Variants in PCDHGB1 observed in about 807,000 individuals in gnomAD.
The protein encoded by PCDHGB1 is protocadherin gamma subfamily B, 1, also known as protocadherin gamma-B1.
In PCDHGB1, 34 loss-of-function variants were observed where a neutral mutation model predicts 56.6. The observed-to-expected ratio is 0.60, with a 90% CI of 0.46 to 0.80. The LOEUF (loss-of-function observed/expected upper bound fraction) is 0.80. PCDHGB1 is among the 30% of genes least tolerant of loss of function. The pLI, the probability that PCDHGB1 is intolerant of heterozygous loss-of-function variation, is 0.00. For missense variants in PCDHGB1, 1,278 were observed against 1,204.6 expected (o/e 1.06, Z -0.90); for synonymous variants, 561 against 505.9 (o/e 1.11, Z -1.46).
intron 1 of PCDHGB1, chr5:141,479,290 T>C (rs1045200175): frequency 1.3e-5 from 2 of 152,438 alleles, no homozygotes; most frequent in Non-Finnish European, 2.9e-5. Flanking sequence ...AAAATAAATC[T>C]AGGCAACCCA....
intron 1 of PCDHGB1, among the ~76,000 whole-genome samples, chr5:141,436,832 C>T (rs1242760381): frequency 6.6e-6 from 1 of 152,172 alleles, no homozygotes; most frequent in African/African-American, 2.4e-5. Flanking sequence ...ATCTTAAGTG[C>T]CTAGGCACAT....
At chr5:141,498,318 G>T (rs927950671) in intron 2 of PCDHGB1, among the ~76,000 whole-genome samples, 2 of 151,792 alleles carry the variant, frequency 1.3e-5, no homozygotes, top group African/African-American at 4.8e-5. Flanking sequence ...TGCCTACACA[G>T]AAGGAAGAGC....
chr5:141,388,809 G>A lies in PCDHGB1; in HGVS notation c.2409+36140G>A, dbSNP rs771582173. The A allele has an allele frequency of 1.2e-6, 2 of 1,613,930 alleles. No individual in the cohort carries two copies. Among genetic ancestry groups the A allele is most frequent in the Non-Finnish European group, 1.7e-6 (2 of 1,179,838 alleles). ...TGTTTTAAATACATTAGATTTTGAA[G>A]AAGTCAAAGAATATTCCATAGTTTT... is the stretch of plus-strand genomic sequence containing the variant. On this transcript the variant is annotated intron_variant, in intron 1 of 3. Transcript: ENST00000523390.
chr5:141,476,929 G>T lies in PCDHGB1; in HGVS notation c.2410-17878G>T, dbSNP rs1375082202. 6.2e-7 allele frequency: 1 copy of T among 1,614,136 alleles called. No homozygotes were observed. Among genetic ancestry groups the T allele is most frequent in the Admixed American group, 1.7e-5 (1 of 60,034 alleles). On this transcript the variant is annotated intron_variant, in intron 1 of 3. Transcript: ENST00000523390. This position sits in a 1 kb window ranked among gnomAD's most constrained non-coding sequence, Gnocchi z 7.6. ...TGGTACAAGTCCTTGCAACGGATCT[G>T]GATGAAGGCCCCAACGGTGAAATTA...
intron 1 of PCDHGB1, chr5:141,372,458 A>G (rs778949462): frequency 3.7e-6 from 6 of 1,614,044 alleles, no homozygotes; most frequent in South Asian, 2.2e-5. Context: ...AGGCGGAGCT[A>G]CAGTTTCACC....
chr5:141,427,907 C>T, intron 1 of PCDHGB1: 1 of 1,575,688 alleles, frequency 6.3e-7, no homozygotes, highest in Non-Finnish European at 8.7e-7. Flanking sequence ...CCGCGCTCAG[C>T]GCCAACATGA....
chr5:141,419,945 T>TTGGCCTTGATTTCTG (rs1205104698), intron 1 of PCDHGB1: 6 of 1,613,970 alleles, frequency 3.7e-6, no homozygotes, highest in Non-Finnish European at 4.2e-6. Flanking sequence ...GGTGGTGGCC[T>TTGGCCTTGATTTCTG]TGGCCTTGAT....
chr5:141,404,501 C>T, intron 1 of PCDHGB1: 2 of 1,613,792 alleles, frequency 1.2e-6, no homozygotes, highest in Non-Finnish European at 1.7e-6. Context: ...GCTGTATGCT[C>T]TGTGCTCCTT....
Position 141,504,006 on chromosome 5 carries a change from G to C in PCDHGB1, c.2469-1387G>C, listed in dbSNP as rs138738950. Among the ~76,000 whole-genome samples, 1,431 of 152,182 alleles carry C rather than the reference G, an allele frequency of 9.4e-3. 31 individuals are homozygous for C. The highest frequency in any genetic ancestry group is 0.033 in the African/African-American group (1,367 of 41,490). On this transcript the variant is annotated intron_variant, in intron 2 of 3. Coordinates refer to ENST00000523390, the MANE Select transcript of PCDHGB1 (RefSeq NM_018922.3). The stretch of plus-strand genomic sequence containing the variant: ...CTTCTTACCTTACAGTCACTTAACT[G>C]TCTCTGCTGGTCTCTTCCCACTCAT...
intron 1 of PCDHGB1, chr5:141,415,947 C>G: frequency 1.9e-6 from 1 of 532,382 alleles, no homozygotes; most frequent in Non-Finnish European, 2.8e-6. Flanking sequence ...CCTGGGTGGT[C>G]ACATATTGAA....
At chr5:141,501,366 T>G (rs1297210978) in intron 2 of PCDHGB1, among the ~76,000 whole-genome samples, 1 of 150,672 alleles carries the variant, frequency 6.6e-6, no homozygotes, top group Non-Finnish European at 1.5e-5. Flanking sequence ...ACCATATTCA[T>G]CATCTCTTAA....
Position 141,491,589 on chromosome 5 carries a change from C to T in PCDHGB1, c.2410-3218C>T. 6.2e-7 allele frequency: 1 copy of T among 1,613,926 alleles called. No homozygotes were observed. The highest frequency in any genetic ancestry group is 8.5e-7 in the Non-Finnish European group (1 of 1,180,024). ...GGACGTGCTTTTCACCGGCCTCGGA[C>T]GGCAGTGACTTCACTTTTCTAAGAC... On this transcript the variant is annotated intron_variant, in intron 1 of 3. Transcript: ENST00000523390. This position sits in a 1 kb window ranked among gnomAD's most constrained non-coding sequence, Gnocchi z 6.9.
intron 1 of PCDHGB1, chr5:141,361,050 T>C (rs370096238): frequency 1.7e-5 from 28 of 1,613,586 alleles, no homozygotes; most frequent in African/African-American, 2.7e-5. Context: ...CGACAAAGGA[T>C]GATTTGGATT....
At chr5:141,427,897 C>T (rs866283444) in intron 1 of PCDHGB1, 1 of 1,571,008 alleles carries the variant, frequency 6.4e-7, no homozygotes. Context: ...CAGGGCTCGC[C>T]CGCGCTCAGC....
chr5:141,410,054 A>C, intron 1 of PCDHGB1: 1 of 1,613,064 alleles, frequency 6.2e-7, no homozygotes. Context: ...CGGACTCTTC[A>C]GCCTGGGGCT....
chr5:141,491,837 G>A lies in PCDHGB1; in HGVS notation c.2410-2970G>A, dbSNP rs1404051857. The A allele has an allele frequency of 1.4e-6, 2 of 1,472,862 alleles. No individual in the cohort carries two copies. The highest frequency in any genetic ancestry group is 1.8e-6 in the Non-Finnish European group (2 of 1,111,878). The allele number at this position is 1,472,862 out of a possible 1,614,324, so 91.2% of individuals were successfully genotyped here. A position where few individuals can be genotyped will look rare whatever the true frequency, so the allele number is the denominator to read the frequency against. ...TGGCTGCGCTCCACCCGATTCTCGG[G>A]ATCATTGGACCGTTTGCGCGAAACC... On this transcript the variant is annotated intron_variant, in intron 1 of 3. Transcript: ENST00000523390. The surrounding 1 kb of genome is among the most constrained non-coding windows in gnomAD (Gnocchi z 6.9).
intron 1 of PCDHGB1, chr5:141,427,300 A>G: frequency 2.2e-6 from 1 of 456,912 alleles, no homozygotes; most frequent in Non-Finnish European, 4.4e-6. Flanking sequence ...CTAGATGAGA[A>G]TGACAATGCC....
chr5:141,374,902 C>A, intron 1 of PCDHGB1: 1 of 1,613,754 alleles, frequency 6.2e-7, no homozygotes, highest in South Asian at 1.1e-5. Context: ...ATGAAGGAGT[C>A]CACGGGGAAG....
chr5:141,497,649 C>T (rs973501351), intron 2 of PCDHGB1, among the ~76,000 whole-genome samples: 1 of 151,784 alleles, frequency 6.6e-6, no homozygotes, highest in Non-Finnish European at 1.5e-5. Context: ...AAGCGATTCT[C>T]CTGCCTCAGC....
Sources: gnomAD v4.1 joint callset for allele counts (sites outside exome capture counted in the v4.1 genomes callset) on GRCh38, gnomAD v4.1.1 for gene constraint, Gnocchi (gnomAD v3.1) non-coding constraint, MANE v1.5 for transcripts, NCBI Gene and HGNC (gene_info 2026-07-23, HGNC 2026-07-21) for gene names.